Variants in DRC9 observed in about 807,000 individuals in gnomAD.
DRC9 encodes the protein dynein regulatory complex protein 9.
chr3:197,916,672 A>G, the DRC9 span, among the ~76,000 whole-genome samples: 18 of 152,066 alleles, frequency 1.2e-4, no homozygotes, highest in Non-Finnish European at 2.2e-4. Context: ...TTGAACTCCT[A>G]GACTCAAGGA....
At chr3:197,950,264 G>C in the DRC9 span, 1 of 1,230,146 alleles carries the variant, frequency 8.1e-7, no homozygotes, top group Admixed American at 4.2e-5. Context: ...GCAAATAACC[G>C]GAGTAGGTTT....
chr3:197,895,969 T>C, the DRC9 span, among the ~76,000 whole-genome samples: 119 of 82,160 alleles, frequency 1.4e-3, 2 homozygotes, highest in African/African-American at 8.1e-3. Flanking sequence ...AACAAGACCC[T>C]GTCTCAAAAA....
At chr3:197,944,456 TTA>T in the DRC9 span, among the ~76,000 whole-genome samples, 18 of 151,196 alleles carry the variant, frequency 1.2e-4, no homozygotes, top group East Asian at 2.9e-3. Context: ...TTATTTTATT[TTA>T]TTTTTTTTGA....
chr3:197,954,290 GAGAGATAGTAATTGAA>G, the DRC9 span: 2 of 806,514 alleles, frequency 2.5e-6, no homozygotes, highest in African/African-American at 3.4e-5. Flanking sequence ...CAGAACACTG[GAGAGATAGTAATTGAA>G]AGAATTAGGT....
At chr3:197,924,954 AAAAGT>A in the DRC9 span, among the ~76,000 whole-genome samples, 1 of 152,212 alleles carries the variant, frequency 6.6e-6, no homozygotes, top group Non-Finnish European at 1.5e-5. Flanking sequence ...ATTTTCTTAT[AAAAGT>A]AAACTAGATA....
chr3:197,943,904 A>G, the DRC9 span: 5 of 1,614,066 alleles, frequency 3.1e-6, no homozygotes, highest in Non-Finnish European at 4.2e-6. Flanking sequence ...GTGGCTCTAG[A>G]GTTTCCGGGA....
the DRC9 span, chr3:197,906,739 GTTCA>G: frequency 6.6e-6 from 1 of 152,318 alleles, no homozygotes; most frequent in East Asian, 1.9e-4. Context: ...GGGCTGCAGA[GTTCA>G]TTCTTTGGGG....
chr3:197,942,100 T>C, the DRC9 span, among the ~76,000 whole-genome samples: 1 of 152,108 alleles, frequency 6.6e-6, no homozygotes, highest in Non-Finnish European at 1.5e-5. Context: ...CTATGGGTCA[T>C]TTAGGTAAAA....
chr3:197,943,394 T>C, the DRC9 span, among the ~76,000 whole-genome samples: 3 of 152,198 alleles, frequency 2.0e-5, no homozygotes, highest in South Asian at 6.2e-4. Flanking sequence ...GTAGCCCCTT[T>C]ATCTGAAATA....
At chr3:197,917,909 C>A in the DRC9 span, among the ~76,000 whole-genome samples, 1 of 150,874 alleles carries the variant, frequency 6.6e-6, no homozygotes, top group East Asian at 2.0e-4. Context: ...TTTTTAATTT[C>A]TTTTTAGTAG....
chr3:197,907,574 T>G, the DRC9 span, among the ~76,000 whole-genome samples: 1 of 152,256 alleles, frequency 6.6e-6, no homozygotes, highest in South Asian at 2.1e-4. Context: ...TAGCAAAATC[T>G]TACCATTCTT....
the DRC9 span, among the ~76,000 whole-genome samples, chr3:197,948,177 C>G: frequency 6.6e-6 from 1 of 152,050 alleles, no homozygotes; most frequent in African/African-American, 2.4e-5. Flanking sequence ...AAGTGATCCA[C>G]CCACCTCAGC....
chr3:197,897,830 G>A, the DRC9 span, among the ~76,000 whole-genome samples: 1 of 148,510 alleles, frequency 6.7e-6, no homozygotes, highest in Non-Finnish European at 1.5e-5. Flanking sequence ...GGAGTGCGGT[G>A]GCCCAATCTC....
chr3:197,915,240 T>TA, the DRC9 span, among the ~76,000 whole-genome samples: 94,695 of 129,764 alleles, frequency 0.73, 36,554 homozygotes, highest in Non-Finnish European at 0.85. Context: ...AAGGGAACTC[T>TA]AAAAAAAAAA....
chr3:197,910,352 G>A, the DRC9 span, among the ~76,000 whole-genome samples: 1 of 152,126 alleles, frequency 6.6e-6, no homozygotes, highest in East Asian at 1.9e-4. Context: ...GTGTTATTGG[G>A]CTGAAGATCT....
the DRC9 span, among the ~76,000 whole-genome samples, chr3:197,918,200 C>T: frequency 4.0e-5 from 6 of 150,938 alleles, no homozygotes; most frequent in South Asian, 4.2e-4. Context: ...CTCAACCTCC[C>T]GAGTAGCTGG....
chr3:197,900,351 G>A, the DRC9 span, among the ~76,000 whole-genome samples: 1 of 152,236 alleles, frequency 6.6e-6, no homozygotes, highest in South Asian at 2.1e-4. The surrounding 1 kb of genome is among the most constrained non-coding windows in gnomAD (Gnocchi z 4.7). Context: ...CTCTAAAAGA[G>A]ATTTCCCCTT....
chr3:197,950,984 C>A, the DRC9 span: 1 of 1,613,300 alleles, frequency 6.2e-7, no homozygotes, highest in East Asian at 2.2e-5. Context: ...GGAAGGTACG[C>A]GTTTTAAATA....
chr3:197,936,027 C>T, the DRC9 span, among the ~76,000 whole-genome samples: 1 of 152,068 alleles, frequency 6.6e-6, no homozygotes, highest in African/African-American at 2.4e-5. Flanking sequence ...ACGGGCGGAT[C>T]ACCTGAGGTC....
Sources: allele counts gnomAD v4.1 joint callset (sites outside exome capture counted in the v4.1 genomes callset), GRCh38; gene constraint gnomAD v4.1.1; non-coding constraint Gnocchi (gnomAD v3.1); transcripts MANE v1.5; gene names NCBI Gene and HGNC (gene_info 2026-07-23, HGNC 2026-07-21).